The following PLA2G4A variants were observed in gnomAD, a reference collection of about 807,000 sequenced individuals.
The protein encoded by PLA2G4A is phospholipase A2 group IVA.
Under a neutral mutation model 81.9 loss-of-function variants are expected in PLA2G4A, and 40 were observed. The ratio of observed to expected loss-of-function variants is 0.49; its 90% CI spans 0.38 to 0.64. The LOEUF is 0.64. Ranked by LOEUF, PLA2G4A falls within the 30% of genes least tolerant of loss-of-function variation. PLA2G4A has a pLI of 0.00. For synonymous variants in PLA2G4A, 302 were observed against 296.9 expected, an observed-to-expected ratio of 1.02 and a Z score of -0.18; for missense variants, 715 against 905.1, an observed-to-expected ratio of 0.79 and a Z score of 2.69.
intron 7 of PLA2G4A, among the ~76,000 whole-genome samples, chr1:186,927,962 T>C (rs1655608220): frequency 6.6e-6 from 1 of 152,106 alleles, no homozygotes; most frequent in Admixed American, 6.5e-5. Flanking sequence ...CTTCTTTCAG[T>C]TGGTAAAGGT....
chr1:186,933,201 A>G (rs1188056328), intron 8 of PLA2G4A, among the ~76,000 whole-genome samples: 1 of 152,186 alleles, frequency 6.6e-6, no homozygotes, highest in Non-Finnish European at 1.5e-5. Context: ...GTGGAACAAC[A>G]TACTCCACCC....
chr1:186,866,187 C>T (rs1029466543), intron 2 of PLA2G4A, among the ~76,000 whole-genome samples: 24 of 151,974 alleles, frequency 1.6e-4, no homozygotes, highest in African/African-American at 5.6e-4. Flanking sequence ...GCAGTCTGGA[C>T]TAGTTTGAAA....
Position 186,894,138 on chromosome 1 carries a change from T to A in PLA2G4A, c.305T>A (p.Leu102Gln). 1 of 1,512,936 alleles carries A rather than the reference T, an allele frequency of 6.6e-7. No individual in the cohort carries two copies. Among genetic ancestry groups the A allele is most frequent in the Non-Finnish European group, 9.2e-7 (1 of 1,087,750 alleles). 93.7% of individuals were successfully genotyped at this position (1,512,936 alleles called of 1,614,324 possible). A position where few individuals can be genotyped will look rare whatever the true frequency, so the allele number is the denominator to read the frequency against. ...GCCAATTATGTCATGGATGAAACTC[T>A]AGGGACAGCAACATTTACTGTATCT... ...MDANYVMDETLGTATFTVSSM... is the reference protein window; with the variant it reads ...MDANYVMDETQGTATFTVSSM... The change falls in exon 5 of 18, where the codon CTA (leucine) becomes CAA (glutamine). Residue 102 changes from leucine to glutamine, a missense_variant. Coordinates refer to ENST00000367466, the MANE Select transcript of PLA2G4A (RefSeq NM_024420.3).
At position 186,870,444 on chromosome 1, in the gene PLA2G4A, C is replaced by T. The variant is rs763144726; in HGVS notation, c.43C>T (p.Gln15Ter). ...GTCATTTTATTTCCAGGTGGAGCAC[C>T]AGTATTCCCACAAGTTTACGGTAGT... ...DPYQHIIVEH[Q>*]YSHKFTVVVL... The change falls in exon 3 of 18, where the codon CAG (glutamine) becomes TAG (stop). Residue 15 changes from glutamine to a stop codon, truncating the protein, a stop_gained. Coordinates refer to ENST00000367466, the MANE Select transcript of PLA2G4A (RefSeq NM_024420.3). LOFTEE classifies it high-confidence loss of function. 1 of 1,595,110 alleles carries T rather than the reference C, an allele frequency of 6.3e-7. No homozygotes were observed. Among genetic ancestry groups the T allele is most frequent in the Non-Finnish European group, 8.6e-7 (1 of 1,162,806 alleles).
chr1:186,948,705 G>T (rs903184610), intron 12 of PLA2G4A, among the ~76,000 whole-genome samples: 72 of 152,132 alleles, frequency 4.7e-4, no homozygotes, highest in African/African-American at 1.7e-3. Flanking sequence ...AAAGGAGGAG[G>T]TTTATACTAG....
chr1:186,941,656 T>C (rs1656158912), intron 10 of PLA2G4A, among the ~76,000 whole-genome samples: 1 of 152,240 alleles, frequency 6.6e-6, no homozygotes, highest in Non-Finnish European at 1.5e-5. Context: ...TACTAACTTC[T>C]GATGTGTACA....
At chr1:186,898,603 G>A (rs1426727579) in intron 5 of PLA2G4A, among the ~76,000 whole-genome samples, 1 of 152,164 alleles carries the variant, frequency 6.6e-6, no homozygotes, top group Non-Finnish European at 1.5e-5. Flanking sequence ...ACTGAAATTT[G>A]TATAGTCACA....
intron 5 of PLA2G4A, among the ~76,000 whole-genome samples, chr1:186,901,973 G>C (rs544410491): frequency 1.3e-5 from 2 of 152,250 alleles, no homozygotes; most frequent in Admixed American, 1.3e-4. Context: ...GGGGATACAT[G>C]CTGAGAAATG....
intron 7 of PLA2G4A, among the ~76,000 whole-genome samples, chr1:186,916,984 C>G (rs985434114): frequency 1.3e-5 from 2 of 152,122 alleles, no homozygotes; most frequent in African/African-American, 4.8e-5. Flanking sequence ...GGCTTGTCGT[C>G]CTCCTCAGAG....
intron 7 of PLA2G4A, among the ~76,000 whole-genome samples, chr1:186,925,531 TC>T (rs1425430506): frequency 6.6e-6 from 1 of 152,172 alleles, no homozygotes; most frequent in Non-Finnish European, 1.5e-5. Context: ...ACAGAATCTT[TC>T]CCCGGTTGGA....
chr1:186,943,327 A>G (rs747262680), intron 10 of PLA2G4A, among the ~76,000 whole-genome samples: 9 of 152,216 alleles, frequency 5.9e-5, no homozygotes, highest in Non-Finnish European at 1.3e-4. Context: ...AAAGGACTTA[A>G]AACGTTCATT....
intron 17 of PLA2G4A, among the ~76,000 whole-genome samples, chr1:186,982,717 T>A (rs1224793264): frequency 1.3e-5 from 2 of 152,158 alleles, no homozygotes; most frequent in Non-Finnish European, 2.9e-5. Flanking sequence ...CATAAACAGA[T>A]AAAATTTTCA....
intron 3 of PLA2G4A, among the ~76,000 whole-genome samples, chr1:186,871,893 G>C (rs962732398): frequency 3.9e-5 from 6 of 152,112 alleles, no homozygotes; most frequent in African/African-American, 1.4e-4. Flanking sequence ...AGGGACTTCA[G>C]CCTGTTGAAA....
intron 1 of PLA2G4A, among the ~76,000 whole-genome samples, chr1:186,837,730 C>T (rs1230493010): frequency 1.7e-5 from 1 of 59,262 alleles, no homozygotes; most frequent in Non-Finnish European, 3.0e-5. Flanking sequence ...GAGAGAGACT[C>T]CGTCTCAAAA....
chr1:186,884,305 A>G (rs1033998570), intron 3 of PLA2G4A, among the ~76,000 whole-genome samples: 3 of 149,756 alleles, frequency 2.0e-5, no homozygotes, highest in African/African-American at 7.4e-5. Flanking sequence ...TGTCCTCAAA[A>G]GAGAAGTAGT....
chr1:186,929,296 A>G (rs1246433970), intron 7 of PLA2G4A, among the ~76,000 whole-genome samples: 1 of 152,196 alleles, frequency 6.6e-6, no homozygotes, highest in Non-Finnish European at 1.5e-5. Context: ...GAAACAAACA[A>G]TGACTTCCTT....
chr1:186,843,416 A>T (rs1652057255), intron 1 of PLA2G4A, among the ~76,000 whole-genome samples: 1 of 152,164 alleles, frequency 6.6e-6, no homozygotes, highest in South Asian at 2.1e-4. Flanking sequence ...ACATCATGCA[A>T]ATCCCCCAGT....
intron 15 of PLA2G4A, 71 bp from the exon 16 acceptor site, chr1:186,977,522 A>G (rs1188651817): frequency 9.9e-7 from 1 of 1,011,888 alleles, no homozygotes; most frequent in African/African-American, 1.6e-5. Context: ...GTGAACACTG[A>G]ATTATGGTCA....
intron 17 of PLA2G4A, among the ~76,000 whole-genome samples, chr1:186,982,547 T>A (rs1022358096): frequency 6.6e-6 from 1 of 152,202 alleles, no homozygotes; most frequent in Non-Finnish European, 1.5e-5. Flanking sequence ...GTTAACAACA[T>A]AGACAAGTTT....
Sources: gnomAD v4.1 joint callset for allele counts (sites outside exome capture counted in the v4.1 genomes callset) on GRCh38, gnomAD v4.1.1 for gene constraint, MANE v1.5 for transcripts, NCBI Gene and HGNC (gene_info 2026-07-23, HGNC 2026-07-21) for gene names.